The following GABRB2 variants were observed in gnomAD, a reference collection of about 807,000 sequenced individuals.
The protein encoded by GABRB2 is gamma-aminobutyric acid receptor subunit beta-2.
In GABRB2, 16 loss-of-function variants were observed where a neutral mutation model predicts 54.7. The ratio of observed to expected loss-of-function variants is 0.29; its 90% CI spans 0.20 to 0.44. The LOEUF (loss-of-function observed/expected upper bound fraction) is 0.44. Among genes scored for constraint, GABRB2 ranks in the 20% least tolerant of loss-of-function variants. The probability of loss-of-function intolerance (pLI) is 1.00; values close to 1 mark genes in which losing one functional copy is unlikely to be tolerated. For synonymous variants in GABRB2, 244 were observed against 233.8 expected, an observed-to-expected ratio of 1.04 and a Z score of -0.40; for missense variants, 355 against 644.0, an observed-to-expected ratio of 0.55 and a Z score of 4.86.
At chr5:161,367,658 G>A (rs1161922596) in intron 5 of GABRB2, among the ~76,000 whole-genome samples, 1 of 151,972 alleles carries the variant, frequency 6.6e-6, no homozygotes, top group Non-Finnish European at 1.5e-5. Flanking sequence ...ATTATATGTT[G>A]CATCTTCCTC....
intron 4 of GABRB2, among the ~76,000 whole-genome samples, chr5:161,446,826 C>T (rs905752479): frequency 8.5e-5 from 13 of 152,106 alleles, no homozygotes; most frequent in African/African-American, 3.1e-4. Context: ...TCCTACCTCT[C>T]ATCATCTGTT....
intron 3 of GABRB2, among the ~76,000 whole-genome samples, chr5:161,461,657 T>A (rs891811386): frequency 6.6e-6 from 1 of 152,140 alleles, no homozygotes; most frequent in Non-Finnish European, 1.5e-5. Flanking sequence ...AATGACTAAG[T>A]GAAGGTCCAA....
intron 4 of GABRB2, among the ~76,000 whole-genome samples, chr5:161,441,542 T>C (rs1220845557): frequency 1.3e-5 from 2 of 152,138 alleles, no homozygotes; most frequent in Non-Finnish European, 2.9e-5. Context: ...GGAGAACAGT[T>C]TGGTGGTTCC....
rs762487283 is a variant in GABRB2, at chr5:161,294,417, A to G, written c.1203T>C (p.His401=). The change falls in exon 10 of 10, where the codon CAT becomes CAC. Residue 401 remains histidine, a synonymous_variant. Transcript: ENST00000393959. Reference sequence around the variant, plus strand: ...CGAGAGTGCTCAGTAAGATGTTCTCATGGGGGTCCATCTGCAAGGGAAGAG... The same window carrying G: ...CGAGAGTGCTCAGTAAGATGTTCTCGTGGGGGTCCATCTGCAAGGGAAGAG... The part of the protein sequence containing the change: ...YDFSLYTMDP[H]ENILLSTLEI... 5 of 1,610,458 alleles carry G rather than the reference A, an allele frequency of 3.1e-6. No homozygotes were observed. The highest frequency in any genetic ancestry group is 1.7e-5 in the Admixed American group (1 of 59,886).
chr5:161,483,883 C>T (rs1236535816), intron 3 of GABRB2, among the ~76,000 whole-genome samples: 1 of 151,782 alleles, frequency 6.6e-6, no homozygotes, highest in Non-Finnish European at 1.5e-5. Context: ...TGCTTGGATA[C>T]TTCCAGTAAC....
chr5:161,425,904 T>A (rs572592841), intron 4 of GABRB2, among the ~76,000 whole-genome samples: 55 of 152,226 alleles, frequency 3.6e-4, no homozygotes, highest in African/African-American at 1.3e-3. Context: ...CATAATTGCT[T>A]GTAGAATATA....
chr5:161,479,812 A>G (rs1758704841), intron 3 of GABRB2, among the ~76,000 whole-genome samples: 1 of 151,906 alleles, frequency 6.6e-6, no homozygotes, highest in African/African-American at 2.4e-5. Flanking sequence ...CTGGTCTCCA[A>G]TTCCTGACCT....
At chr5:161,418,679 A>C (rs890956829) in intron 4 of GABRB2, among the ~76,000 whole-genome samples, 3 of 152,236 alleles carry the variant, frequency 2.0e-5, no homozygotes, top group African/African-American at 7.2e-5. Context: ...TCTGCACAGC[A>C]AAAGAAATAA....
chr5:161,498,944 C>G (rs758014880), intron 3 of GABRB2, among the ~76,000 whole-genome samples: 3 of 152,158 alleles, frequency 2.0e-5, no homozygotes, highest in African/African-American at 7.2e-5. Context: ...GTCACAGCTA[C>G]GCTTGATGCT....
At chr5:161,511,003 G>A (rs997144997) in intron 3 of GABRB2, among the ~76,000 whole-genome samples, 2 of 151,768 alleles carry the variant, frequency 1.3e-5, no homozygotes, top group Non-Finnish European at 2.9e-5. Flanking sequence ...AACACCAACA[G>A]TATTTTGATT....
intron 3 of GABRB2, among the ~76,000 whole-genome samples, chr5:161,522,544 C>T (rs1001272846): frequency 3.3e-5 from 5 of 151,684 alleles, no homozygotes; most frequent in Non-Finnish European, 5.9e-5. Context: ...TTTTCTACTT[C>T]TTTCCAACTT....
chr5:161,458,083 A>G (rs948936104), intron 4 of GABRB2, among the ~76,000 whole-genome samples: 1 of 152,092 alleles, frequency 6.6e-6, no homozygotes, highest in African/African-American at 2.4e-5. Flanking sequence ...TCCATGCTTA[A>G]CTTTTTAAAA....
At chr5:161,468,621 C>T (rs1321225138) in intron 3 of GABRB2, among the ~76,000 whole-genome samples, 1 of 151,888 alleles carries the variant, frequency 6.6e-6, no homozygotes, top group East Asian at 1.9e-4. Flanking sequence ...ATTTATTTGT[C>T]TCCTCATGTA....
chr5:161,338,672 C>CCTAT (rs1269562582), intron 5 of GABRB2, among the ~76,000 whole-genome samples: 5 of 151,872 alleles, frequency 3.3e-5, no homozygotes, highest in Non-Finnish European at 5.9e-5. Context: ...TGCTTATAGT[C>CCTAT]CTATCTACTT....
At chr5:161,309,573 C>A (rs1265912224) in intron 9 of GABRB2, among the ~76,000 whole-genome samples, 3 of 151,996 alleles carry the variant, frequency 2.0e-5, no homozygotes, top group Non-Finnish European at 4.4e-5. Context: ...TTAATTGTAG[C>A]ACTATTCACA....
chr5:161,454,070 T>C (rs1757875210), intron 4 of GABRB2, among the ~76,000 whole-genome samples: 3 of 151,366 alleles, frequency 2.0e-5, no homozygotes, highest in Admixed American at 6.6e-5. Flanking sequence ...AACTTAATTA[T>C]TCCTGAAATT....
intron 5 of GABRB2, among the ~76,000 whole-genome samples, chr5:161,400,435 C>T (rs764962964): frequency 1.4e-4 from 22 of 152,012 alleles, no homozygotes; most frequent in Non-Finnish European, 2.8e-4. Flanking sequence ...GCATTCCCAC[C>T]ACCCTCCCGC....
intron 5 of GABRB2, among the ~76,000 whole-genome samples, chr5:161,343,036 G>A (rs1039644443): frequency 4.6e-5 from 7 of 152,134 alleles, no homozygotes; most frequent in East Asian, 3.9e-4. Flanking sequence ...AGGACTGAGC[G>A]CAGTCAATGC....
At chr5:161,303,175 C>T (rs572482633) in intron 9 of GABRB2, among the ~76,000 whole-genome samples, 2 of 152,208 alleles carry the variant, frequency 1.3e-5, no homozygotes, top group East Asian at 1.9e-4. Flanking sequence ...ATGGCTTGTT[C>T]GAAGCTAGGT....
Sources: allele counts gnomAD v4.1 joint callset (sites outside exome capture counted in the v4.1 genomes callset), GRCh38; gene constraint gnomAD v4.1.1; transcripts MANE v1.5; gene names NCBI Gene and HGNC (gene_info 2026-07-23, HGNC 2026-07-21).